DNAH11: variants seen among roughly 807,000 people sequenced by gnomAD.
DNAH11 encodes the protein axonemal beta dynein heavy chain 11.
A neutral mutation model predicts 526.0 loss-of-function variants in DNAH11; 442 were observed. The observed-to-expected ratio is 0.84, with a 90% CI of 0.78 to 0.91. The LOEUF is 0.91. DNAH11 is among the 40% of genes least tolerant of loss of function. The pLI is 0.00. For missense variants in DNAH11, 6,989 were observed against 5,448.7 expected (o/e 1.28, Z -8.90); for synonymous variants, 2,461 against 1,935.9 (o/e 1.27, Z -7.12).
At chr7:21,672,368 C>G (rs1385116261) in intron 30 of DNAH11, among the ~76,000 whole-genome samples, 2 of 152,192 alleles carry the variant, frequency 1.3e-5, no homozygotes, top group African/African-American at 4.8e-5. Context: ...TCACTGCAGC[C>G]TCAAACTTAC....
At chr7:21,888,269 G>T (rs561650256) in intron 76 of DNAH11, among the ~76,000 whole-genome samples, 1 of 152,162 alleles carries the variant, frequency 6.6e-6, no homozygotes, top group African/African-American at 2.4e-5. Flanking sequence ...AAGGCCAAGG[G>T]CAAATGCATT....
At chr7:21,820,910 C>T (rs963273034) in intron 65 of DNAH11, among the ~76,000 whole-genome samples, 4 of 152,100 alleles carry the variant, frequency 2.6e-5, no homozygotes, top group African/African-American at 9.7e-5. Context: ...ATGAATGTTT[C>T]TGAAAGTATT....
At chr7:21,698,347 G>C (rs1783936437) in intron 36 of DNAH11, 134 bp downstream of exon 36, 1 of 1,274,678 alleles carries the variant, frequency 7.8e-7, no homozygotes, top group Non-Finnish European at 1.1e-6. Flanking sequence ...AAATTCAATA[G>C]TTTGGGGGAA....
At chr7:21,706,443 G>A (rs1020262580) in intron 39 of DNAH11, among the ~76,000 whole-genome samples, 4 of 151,316 alleles carry the variant, frequency 2.6e-5, no homozygotes, top group African/African-American at 9.7e-5. Flanking sequence ...ACCCAAAGTG[G>A]AACAACTGTA....
At chr7:21,778,752 T>C (rs1415307769) in intron 56 of DNAH11, among the ~76,000 whole-genome samples, 1 of 152,138 alleles carries the variant, frequency 6.6e-6, no homozygotes, top group East Asian at 1.9e-4. Context: ...TGCAAAATCA[T>C]TGGAAAATAT....
chr7:21,820,916 G>A (rs1184475420), intron 65 of DNAH11, among the ~76,000 whole-genome samples: 1 of 152,174 alleles, frequency 6.6e-6, no homozygotes, highest in Non-Finnish European at 1.5e-5. Flanking sequence ...GTTTCTGAAA[G>A]TATTGACTGA....
intron 30 of DNAH11, among the ~76,000 whole-genome samples, chr7:21,671,181 G>A (rs1782628241): frequency 1.3e-5 from 2 of 151,906 alleles, no homozygotes; most frequent in African/African-American, 2.4e-5. Flanking sequence ...AGTTTTTTGG[G>A]CTCTTCCTTT....
At chr7:21,601,994 C>A (rs968132596) in intron 18 of DNAH11, among the ~76,000 whole-genome samples, 2 of 151,796 alleles carry the variant, frequency 1.3e-5, no homozygotes, top group Non-Finnish European at 2.9e-5. Flanking sequence ...AAAAAACTAC[C>A]TGTCAGTCAA....
At chr7:21,617,839 T>C (rs915497320) in intron 23 of DNAH11, 62 bp downstream of exon 23, 4 of 1,458,612 alleles carry the variant, frequency 2.7e-6, no homozygotes, top group Admixed American at 4.6e-5. Flanking sequence ...CTTCTTGGTT[T>C]GCATCATCTG....
chr7:21,778,085 T>C (rs1787756375), intron 56 of DNAH11, among the ~76,000 whole-genome samples: 1 of 152,220 alleles, frequency 6.6e-6, no homozygotes, highest in Non-Finnish European at 1.5e-5. Context: ...AACTGAGTCA[T>C]GTTTTTTTTC....
At chr7:21,560,152 T>C (rs1783395712) in intron 4 of DNAH11, among the ~76,000 whole-genome samples, 1 of 152,190 alleles carries the variant, frequency 6.6e-6, no homozygotes, top group African/African-American at 2.4e-5. Context: ...AGACTAACTT[T>C]GGTTCCTCTG....
intron 30 of DNAH11, among the ~76,000 whole-genome samples, chr7:21,667,782 A>G (rs375052212): frequency 2.6e-5 from 4 of 152,096 alleles, no homozygotes; most frequent in African/African-American, 9.6e-5. Context: ...TACGTATGTG[A>G]TTTTTTTTGC....
At chr7:21,735,253 C>T (rs1447769445) in intron 45 of DNAH11, among the ~76,000 whole-genome samples, 1 of 152,166 alleles carries the variant, frequency 6.6e-6, no homozygotes, top group African/African-American at 2.4e-5. Flanking sequence ...TTTCTCATCT[C>T]CTGAAATGTT....
chr7:21,816,525 C>T lies in DNAH11; in HGVS notation c.10391C>T (p.Thr3464Ile), dbSNP rs141112088. Reference protein sequence around the residue: ...DLISMLTDDATIAAWNNEGLP... With the variant: ...DLISMLTDDAIIAAWNNEGLP... Reference sequence around the variant, plus strand: ...ATATCCATGTTGACGGATGATGCTACAATTGCCGCCTGGAATAACGAAGGA... The same window carrying T: ...ATATCCATGTTGACGGATGATGCTATAATTGCCGCCTGGAATAACGAAGGA... The change falls in exon 64 of 82, where the codon ACA becomes ATA. Residue 3464 changes from threonine to isoleucine, a missense_variant. Coordinates refer to ENST00000409508, the MANE Select transcript of DNAH11 (RefSeq NM_001277115.2). The T allele has an allele frequency of 5.0e-4, 800 of 1,612,460 alleles. 2 individuals are homozygous for T. In the African/African-American group the frequency reaches 9.5e-3, roughly 19 times the overall value.
intron 37 of DNAH11, among the ~76,000 whole-genome samples, chr7:21,703,173 G>C (rs1175794754): frequency 2.0e-5 from 3 of 152,182 alleles, no homozygotes; most frequent in Non-Finnish European, 4.4e-5. Context: ...ATGGGAGAAA[G>C]AGCATCCATT....
At chr7:21,691,342 G>T (rs1396800652) in intron 35 of DNAH11, among the ~76,000 whole-genome samples, 1 of 151,666 alleles carries the variant, frequency 6.6e-6, no homozygotes, top group Non-Finnish European at 1.5e-5. Flanking sequence ...AGGCTAAAGG[G>T]CTAGGGCTGG....
chr7:21,615,125 G>T lies in DNAH11; in HGVS notation c.3864G>T (p.Glu1288Asp), dbSNP rs756313769. The change falls in exon 21 of 82, where the codon GAG becomes GAT. Residue 1288 changes from glutamate (E) to aspartate (D), a missense_variant. Transcript: ENST00000409508. ...TGTTCTCTCCTTAGGCAAATGAAGA[G>T]CTTGAGGCCTTAGAAGAAGAAATGT... ...PYTALDKANE[E>D]LEALEEEMLQ... 1.2e-6 allele frequency: 2 copies of T among 1,611,216 alleles called. No individual in the cohort carries two copies. Among genetic ancestry groups the T allele is most frequent in the African/African-American group, 1.3e-5 (1 of 74,828 alleles).
chr7:21,869,104 A>G, intron 73 of DNAH11, 113 bp downstream of exon 73: 1 of 1,466,608 alleles, frequency 6.8e-7, no homozygotes, highest in Non-Finnish European at 9.2e-7. Flanking sequence ...GGCGATTTGC[A>G]GAGTGCAAGC....
intron 28 of DNAH11, among the ~76,000 whole-genome samples, chr7:21,647,415 A>G (rs913229859): frequency 2.1e-5 from 3 of 142,280 alleles, no homozygotes; most frequent in Admixed American, 1.5e-4. Flanking sequence ...TGGAGTAGCA[A>G]TTTCTTTCTT....
Sources: gnomAD v4.1 joint callset for allele counts (sites outside exome capture counted in the v4.1 genomes callset) on GRCh38, gnomAD v4.1.1 for gene constraint, MANE v1.5 for transcripts, NCBI Gene and HGNC (gene_info 2026-07-23, HGNC 2026-07-21) for gene names.